Variants in LMBRD2 observed in about 807,000 individuals in gnomAD.
LMBRD2 encodes LMBR1 domain containing 2.
LMBRD2 carries 55 observed loss-of-function variants against 94.4 expected under a neutral mutation model. The ratio of observed to expected loss-of-function variants is 0.58; its 90% CI spans 0.47 to 0.73. LMBRD2 has a LOEUF of 0.73. LMBRD2 is among the 30% of genes least tolerant of loss of function. The pLI is 0.00. For missense variants in LMBRD2, 640 were observed against 831.9 expected, an observed-to-expected ratio of 0.77 and a Z score of 2.84; for synonymous variants, 246 against 272.4, an observed-to-expected ratio of 0.90 and a Z score of 0.95.
intron 16 of LMBRD2, among the ~76,000 whole-genome samples, chr5:36,107,064 C>T (rs537630412): frequency 1.3e-5 from 2 of 152,164 alleles, no homozygotes; most frequent in Non-Finnish European, 2.9e-5. Flanking sequence ...CTAAGATAAG[C>T]CCTCTTTTTC....
At chr5:36,114,330 A>C in intron 13 of LMBRD2, 94 bp downstream of exon 13, 1 of 1,419,366 alleles carries the variant, frequency 7.0e-7, no homozygotes, top group Non-Finnish European at 9.3e-7. Context: ...AATGAAACAA[A>C]CTGAAACTCA....
At position 36,116,130 on chromosome 5, in the gene LMBRD2, C is replaced by T. The variant is rs530822807; in HGVS notation, c.1436+330G>A. On this transcript the variant is annotated intron_variant, in intron 11 of 17. Transcript: ENST00000296603. The stretch of plus-strand genomic sequence containing the variant: ...AGTCCTCCTCAACTCAGTGAGAGAC[C>T]GCTGAATCTTAGAACACCATCTAGG... Among the ~76,000 whole-genome samples the T allele has an allele frequency of 3.9e-5, 6 of 152,220 alleles. No homozygotes were observed. The East Asian group carries it at 5.8e-4, about 15-fold the overall frequency.
chr5:36,104,932 G>A, intron 17 of LMBRD2, 136 bp downstream of exon 17: 1 of 785,968 alleles, frequency 1.3e-6, no homozygotes, highest in African/African-American at 1.8e-5. Flanking sequence ...TTTATTGTTA[G>A]TGAAAATGAA....
chr5:36,132,394 A>G (rs1026526887), intron 6 of LMBRD2, among the ~76,000 whole-genome samples: 1 of 152,026 alleles, frequency 6.6e-6, no homozygotes, highest in Admixed American at 6.6e-5. Context: ...AGGATATTGG[A>G]CTGGGCAAAA....
intron 1 of LMBRD2, among the ~76,000 whole-genome samples, chr5:36,146,945 T>A (rs4869621): frequency 0.26 from 22,864 of 87,018 alleles, 1,643 homozygotes; most frequent in Non-Finnish European, 0.29. Flanking sequence ...TGTGTGAGTG[T>A]GTGTGTGTGT....
chr5:36,138,923 T>C (rs866199627), intron 4 of LMBRD2, among the ~76,000 whole-genome samples: 4 of 152,228 alleles, frequency 2.6e-5, no homozygotes, highest in Middle Eastern at 3.2e-3. Flanking sequence ...CAGCAGCTTG[T>C]CTGGAGTGGC....
At chr5:36,148,874 G>T (rs940985912) in intron 1 of LMBRD2, among the ~76,000 whole-genome samples, 13 of 152,194 alleles carry the variant, frequency 8.5e-5, no homozygotes, top group Non-Finnish European at 1.6e-4. Flanking sequence ...GAACAAATTA[G>T]AAACTTTCTC....
chr5:36,149,416 C>T (rs1486618866), intron 1 of LMBRD2, among the ~76,000 whole-genome samples: 1 of 152,142 alleles, frequency 6.6e-6, no homozygotes, highest in Non-Finnish European at 1.5e-5. Flanking sequence ...ATTTATTTCT[C>T]GTGTAAGTCT....
chr5:36,142,716 C>CTTTTT (rs878956939), intron 2 of LMBRD2, 117 bp from the exon 3 acceptor site: 6 of 393,592 alleles, frequency 1.5e-5, no homozygotes, highest in South Asian at 3.1e-5. Flanking sequence ...ATGCTTTATT[C>CTTTTT]TTTTTTTTTT....
chr5:36,124,151 T>G, intron 7 of LMBRD2, 40 bp downstream of exon 7: 1 of 1,134,586 alleles, frequency 8.8e-7, no homozygotes, highest in East Asian at 2.5e-5. Flanking sequence ...ATTATATAAG[T>G]GTATATTTCA....
At chr5:36,147,337 G>A (rs12657634) in intron 1 of LMBRD2, among the ~76,000 whole-genome samples, 7,757 of 152,154 alleles carry the variant, frequency 0.051, 297 homozygotes, top group East Asian at 0.13. Flanking sequence ...AAGGTTTAGG[G>A]AAGAAGGAGA....
At chr5:36,129,044 A>G (rs1744074423) in intron 6 of LMBRD2, among the ~76,000 whole-genome samples, 1 of 152,182 alleles carries the variant, frequency 6.6e-6, no homozygotes, top group Non-Finnish European at 1.5e-5. Flanking sequence ...AAATTTGGCT[A>G]TTTGAAAATA....
intron 15 of LMBRD2, among the ~76,000 whole-genome samples, chr5:36,109,072 G>A (rs990890704): frequency 2.0e-5 from 3 of 152,036 alleles, no homozygotes; most frequent in African/African-American, 4.8e-5. Flanking sequence ...TGACTCACAC[G>A]GCATTGTGTG....
rs1554081003 is a variant in LMBRD2, at chr5:36,103,381, GA to G, written c.*664del. The G allele has an allele frequency of 6.6e-6, 1 of 152,170 alleles. No homozygotes were observed. Among genetic ancestry groups the G allele is most frequent in the Non-Finnish European group, 1.5e-5 (1 of 67,780 alleles). 9.4% of individuals were successfully genotyped at this position (152,170 alleles called of 1,614,324 possible). A position where few individuals can be genotyped will look rare whatever the true frequency, so the allele number is the denominator to read the frequency against. On this transcript the variant is annotated 3_prime_UTR_variant, in exon 18 of 18. Coordinates refer to ENST00000296603, the MANE Select transcript of LMBRD2 (RefSeq NM_001007527.2). Reference sequence around the variant, plus strand: ...AATCCAGTTACTACAAAGACTGAAGGAATACTATATCACCTGATTATAGTAC... The same window carrying G: ...AATCCAGTTACTACAAAGACTGAAGGATACTATATCACCTGATTATAGTAC...
At position 36,109,834 on chromosome 5, in the gene LMBRD2, T is replaced by C. The variant is rs1050315658; in HGVS notation, c.1791+111A>G. On this transcript the variant is annotated intron_variant, in intron 15 of 17. Coordinates refer to ENST00000296603, the MANE Select transcript of LMBRD2 (RefSeq NM_001007527.2). ...TTCTTTAAAAATATATCTTATAACATTTTTCCACTGTTTTTTTCTGTCTTT... is the reference window on the plus strand; with the variant it reads ...TTCTTTAAAAATATATCTTATAACACTTTTCCACTGTTTTTTTCTGTCTTT... 3 of 770,006 alleles carry C rather than the reference T, an allele frequency of 3.9e-6. No homozygotes were observed. The African/African-American group carries it at 5.3e-5, about 14-fold the overall frequency. The allele number at this position is 770,006 out of a possible 1,614,324, so 47.7% of individuals were successfully genotyped here. A position where few individuals can be genotyped will look rare whatever the true frequency, so the allele number is the denominator to read the frequency against.
chr5:36,125,025 G>A (rs1388728662), intron 6 of LMBRD2, among the ~76,000 whole-genome samples: 2 of 152,132 alleles, frequency 1.3e-5, no homozygotes, highest in African/African-American at 4.8e-5. Context: ...ACTGTGCTAG[G>A]TGTAAGGCCC....
rs903030022 is a variant in LMBRD2 at position 36,125,337 on chromosome 5, G to A, written c.748-1072C>T. Among the ~76,000 whole-genome samples the A allele has an allele frequency of 2.6e-5, 4 of 152,250 alleles. No individual in the cohort carries two copies. The South Asian group carries it at 8.3e-4, about 32-fold the overall frequency. On this transcript the variant is annotated intron_variant, in intron 6 of 17. Transcript: ENST00000296603. ...ATTCTGGGGCATAGAGTAGAGCAGGGTTTTAAGGGATACAAAACTCAAGGC... is the reference window on the plus strand; with the variant it reads ...ATTCTGGGGCATAGAGTAGAGCAGGATTTTAAGGGATACAAAACTCAAGGC...
At position 36,137,817 on chromosome 5, in the gene LMBRD2, T is replaced by C. The variant is rs1009856269; in HGVS notation, c.369-376A>G. 4.6e-5 allele frequency among the ~76,000 whole-genome samples: 7 copies of C among 152,128 alleles called. 1 individual carries two copies. Among genetic ancestry groups the C allele is most frequent in the Admixed American group, 3.9e-4 (6 of 15,272 alleles). Reference sequence around the variant, plus strand: ...AAGAAGCAAAAAGGGAGAAGGTCAGTTGACAGCATACTGACTTTGAAGTAG... The same window carrying C: ...AAGAAGCAAAAAGGGAGAAGGTCAGCTGACAGCATACTGACTTTGAAGTAG... On this transcript the variant is annotated intron_variant, in intron 4 of 17. Coordinates refer to ENST00000296603, the MANE Select transcript of LMBRD2 (RefSeq NM_001007527.2).
At chr5:36,150,037 G>A (rs1278180381) in intron 1 of LMBRD2, among the ~76,000 whole-genome samples, 2 of 152,064 alleles carry the variant, frequency 1.3e-5, no homozygotes, top group African/African-American at 2.4e-5. Context: ...AATTCCTTAC[G>A]TTAAAAAGAA....
Sources: allele counts gnomAD v4.1 joint callset (sites outside exome capture counted in the v4.1 genomes callset), GRCh38; gene constraint gnomAD v4.1.1; transcripts MANE v1.5; gene names NCBI Gene and HGNC (gene_info 2026-07-23, HGNC 2026-07-21).